The following UPP2 variants were observed in gnomAD, a reference collection of about 807,000 sequenced individuals.
The protein encoded by UPP2 is uridine phosphorylase 2, also known as UPase 2.
UPP2 carries 23 observed loss-of-function variants against 26.7 expected under a neutral mutation model. The observed-to-expected ratio is 0.86, with a 90% CI of 0.62 to 1.22. The LOEUF (loss-of-function observed/expected upper bound fraction) is 1.22. Among genes scored for constraint, UPP2 ranks in the 50% most tolerant of loss-of-function variants. The pLI is 0.00. For synonymous variants in UPP2, 127 were observed against 141.3 expected (o/e 0.90, Z 0.72); for missense variants, 387 against 396.7 (o/e 0.98, Z 0.21).
chr2:158,044,644 T>C (rs1249157315), intron 3 of UPP2, among the ~76,000 whole-genome samples: 1 of 152,166 alleles, frequency 6.6e-6, no homozygotes, highest in African/African-American at 2.4e-5. Context: ...AATTAATGCT[T>C]ATGTTCGATC....
At chr2:158,129,914 T>C (rs936759383) in intron 6 of UPP2, among the ~76,000 whole-genome samples, 3 of 152,108 alleles carry the variant, frequency 2.0e-5, no homozygotes, top group Non-Finnish European at 2.9e-5. Flanking sequence ...CACAGGTTCA[T>C]ACAACCACGA....
chr2:158,003,097 C>T (rs998768912), intron 2 of UPP2, among the ~76,000 whole-genome samples: 12 of 152,106 alleles, frequency 7.9e-5, no homozygotes, highest in Admixed American at 4.6e-4. Context: ...CATGGCTATC[C>T]CTGATGGGCA....
At chr2:158,096,001 A>T (rs1165873469) in intron 3 of UPP2, among the ~76,000 whole-genome samples, 1 of 152,130 alleles carries the variant, frequency 6.6e-6, no homozygotes, top group East Asian at 1.9e-4. Context: ...CATCCTAAAA[A>T]TTGAAGTCAA....
chr2:158,006,345 T>C (rs933616479), intron 2 of UPP2, among the ~76,000 whole-genome samples: 2 of 151,926 alleles, frequency 1.3e-5, no homozygotes, highest in African/African-American at 4.8e-5. Context: ...GGTGGGCGCC[T>C]GTAGTCCCAG....
At chr2:158,044,096 C>G (rs1217332720) in intron 3 of UPP2, among the ~76,000 whole-genome samples, 1 of 152,132 alleles carries the variant, frequency 6.6e-6, no homozygotes, top group Non-Finnish European at 1.5e-5. Context: ...GTAGCATGGC[C>G]TAGAGTAACT....
chr2:158,093,426 A>G (rs946954224), intron 3 of UPP2, among the ~76,000 whole-genome samples: 1 of 152,224 alleles, frequency 6.6e-6, no homozygotes, highest in Non-Finnish European at 1.5e-5. Flanking sequence ...TGTTTACCTG[A>G]TACACTCCTA....
At chr2:158,057,428 T>C (rs972122766) in intron 3 of UPP2, among the ~76,000 whole-genome samples, 1 of 152,226 alleles carries the variant, frequency 6.6e-6, no homozygotes, top group Non-Finnish European at 1.5e-5. Flanking sequence ...CATGACCTCA[T>C]GGATATTTTA....
intron 3 of UPP2, among the ~76,000 whole-genome samples, chr2:158,054,900 C>G (rs999603099): frequency 1.1e-4 from 16 of 151,856 alleles, no homozygotes; most frequent in Admixed American, 5.2e-4. Context: ...CCATCCATCT[C>G]CACAACTTCT....
rs375638139 is a variant in UPP2 at position 158,006,598 on chromosome 2, A to G, written c.62-9203A>G. ...AACTTCACCATCTTCTCCAGAAACAAGGGAGAGATACTTACCTCACATTTT... is the reference window on the plus strand; with the variant it reads ...AACTTCACCATCTTCTCCAGAAACAGGGGAGAGATACTTACCTCACATTTT... On this transcript the variant is annotated intron_variant, in intron 2 of 9. Coordinates refer to the UPP2 transcript ENST00000605860. Among the ~76,000 whole-genome samples, 10 of 152,288 alleles carry G rather than the reference A, an allele frequency of 6.6e-5. No homozygotes were observed. The South Asian group carries it at 1.5e-3, about 22-fold the overall frequency.
At chr2:158,120,693 T>C (rs1683546529) in intron 4 of UPP2, among the ~76,000 whole-genome samples, 1 of 152,018 alleles carries the variant, frequency 6.6e-6, no homozygotes, top group Non-Finnish European at 1.5e-5. Flanking sequence ...GGAAATTTAG[T>C]GTAACCTATC....
At chr2:158,068,665 T>C (rs1682476563) in intron 3 of UPP2, among the ~76,000 whole-genome samples, 1 of 149,928 alleles carries the variant, frequency 6.7e-6, no homozygotes, top group Non-Finnish European at 1.5e-5. Flanking sequence ...GCCCAGCATA[T>C]ATTTGTATGA....
chr2:158,076,097 C>A (rs1574277290), intron 3 of UPP2, among the ~76,000 whole-genome samples: 1 of 151,770 alleles, frequency 6.6e-6, no homozygotes, highest in South Asian at 2.1e-4. Context: ...AATTCCTAGA[C>A]ATATACCACC....
At chr2:158,089,626 A>T (rs1682874983) in intron 3 of UPP2, among the ~76,000 whole-genome samples, 1 of 152,208 alleles carries the variant, frequency 6.6e-6, no homozygotes, top group African/African-American at 2.4e-5. Context: ...TCCCTGTGAG[A>T]CAAAGTCAGA....
chr2:158,099,813 A>G (rs1257795163), upstream of UPP2, among the ~76,000 whole-genome samples: 1 of 152,218 alleles, frequency 6.6e-6, no homozygotes, highest in Non-Finnish European at 1.5e-5. Flanking sequence ...GGAAGACGGT[A>G]GGAAGTGAAG....
In UPP2 at chr2:158,037,872, A is replaced by G. The variant is rs548372059; in HGVS notation, c.147+21986A>G. 1.1e-3 allele frequency among the ~76,000 whole-genome samples: 162 copies of G among 152,284 alleles called. 1 individual carries two copies. In the Middle Eastern group the frequency reaches 0.02, roughly 19 times the overall value. On this transcript the variant is annotated intron_variant, in intron 3 of 9. Transcript: ENST00000605860. ...GGTGGGGGGAGATACAATTCAATCC[A>G]TAACAGGGAATGAGGAAATATCTGA...
chr2:158,000,939 A>C (rs568965911), intron 2 of UPP2, among the ~76,000 whole-genome samples: 1 of 152,366 alleles, frequency 6.6e-6, no homozygotes, highest in African/African-American at 2.4e-5. Context: ...TACTTGGCTT[A>C]TCATAAGTGC....
At chr2:158,036,091 G>A (rs1184999223) in intron 3 of UPP2, among the ~76,000 whole-genome samples, 1 of 152,148 alleles carries the variant, frequency 6.6e-6, no homozygotes, top group Non-Finnish European at 1.5e-5. Context: ...AGCTTGGAAA[G>A]TAGCAGTGAT....
At chr2:158,004,302 C>T (rs1683455475) in intron 2 of UPP2, among the ~76,000 whole-genome samples, 1 of 151,692 alleles carries the variant, frequency 6.6e-6, no homozygotes, top group Non-Finnish European at 1.5e-5. Context: ...GCTGATGACT[C>T]ATAATTTAAT....
chr2:158,132,801 G>A (rs571608129), intron 6 of UPP2, among the ~76,000 whole-genome samples: 36 of 152,246 alleles, frequency 2.4e-4, no homozygotes, highest in Admixed American at 2.0e-3. Flanking sequence ...TCAGGGAAAT[G>A]CAAATTAAAA....
Sources: allele counts gnomAD v4.1 joint callset (sites outside exome capture counted in the v4.1 genomes callset), GRCh38; gene constraint gnomAD v4.1.1; transcripts MANE v1.5; gene names NCBI Gene and HGNC (gene_info 2026-07-23, HGNC 2026-07-21).